Variants in RNASEH2B observed in about 807,000 individuals in gnomAD.
The protein encoded by RNASEH2B is Aicardi-Goutieres syndrome 2 protein.
Under a neutral mutation model 45.0 loss-of-function variants are expected in RNASEH2B, and 36 were observed. The observed-to-expected ratio is 0.80, with a 90% CI of 0.61 to 1.06. The LOEUF (loss-of-function observed/expected upper bound fraction) is 1.06, where lower values mean the gene tolerates loss of function less well. Among genes scored for constraint, RNASEH2B ranks in the 50% least tolerant of loss-of-function variants. RNASEH2B has a pLI of 0.00. For missense variants in RNASEH2B, 361 were observed against 360.3 expected (o/e 1.00, Z -0.02); for synonymous variants, 119 against 125.7 (o/e 0.95, Z 0.35).
intron 5 of RNASEH2B, among the ~76,000 whole-genome samples, chr13:50,939,676 A>G (rs962326003): frequency 6.6e-6 from 1 of 152,218 alleles, no homozygotes; most frequent in African/African-American, 2.4e-5. Flanking sequence ...ATTCAGTGGG[A>G]AAAAGGATAG....
chr13:50,969,829 G>A lies in RNASEH2B; in HGVS notation c.742-103G>A, dbSNP rs970734029. The A allele has an allele frequency of 2.8e-4, 328 of 1,183,528 alleles. 1 individual carries two copies. Among genetic ancestry groups the A allele is most frequent in the Non-Finnish European group, 9.2e-5 (75 of 819,456 alleles). 73.3% of individuals were successfully genotyped at this position (1,183,528 alleles called of 1,614,324 possible). Reference sequence around the variant, plus strand: ...CTCAGCTGCCCTCAGGACTAAACCCGCCAGCCCTGCGTTCTGTTCTAGGAG... The same window carrying A: ...CTCAGCTGCCCTCAGGACTAAACCCACCAGCCCTGCGTTCTGTTCTAGGAG... On this transcript the variant is annotated intron_variant, in intron 9 of 9. Coordinates refer to the RNASEH2B transcript ENST00000422660.
intron 5 of RNASEH2B, chr13:50,941,276 A>G (rs1951830201): frequency 6.6e-6 from 1 of 152,188 alleles, no homozygotes; most frequent in African/African-American, 2.4e-5. Flanking sequence ...ACCTCTCTTT[A>G]CACATGGGGG....
chr13:50,963,923 T>C (rs1055749769), intron 9 of RNASEH2B, among the ~76,000 whole-genome samples: 9 of 152,076 alleles, frequency 5.9e-5, no homozygotes, highest in Non-Finnish European at 1.0e-4. Flanking sequence ...CCCGGCCGGG[T>C]GCGTTGGCTC....
At chr13:50,947,522 T>C (rs984985360) in intron 7 of RNASEH2B, among the ~76,000 whole-genome samples, 18 of 151,960 alleles carry the variant, frequency 1.2e-4, no homozygotes, top group African/African-American at 4.1e-4. Context: ...AGAGACATGG[T>C]ATTTTATTTC....
At chr13:50,956,823 T>G, downstream of RNASEH2B, 2 of 717,452 alleles carry the variant, frequency 2.8e-6, no homozygotes, top group South Asian at 9.8e-5. Context: ...TAATAATATT[T>G]TCAATATACT....
At chr13:50,926,680 G>A (rs139008134) in intron 1 of RNASEH2B, among the ~76,000 whole-genome samples, 2 of 152,058 alleles carry the variant, frequency 1.3e-5, no homozygotes, top group East Asian at 3.9e-4. Context: ...TTAAGAAAAG[G>A]TCTTTCTAAG....
Position 50,956,504 on chromosome 13 carries a change from T to C in RNASEH2B, c.*30T>C, listed in dbSNP as rs1277456148. ...TTGAAAATAAAATCTAGCAAAAATA[T>C]TTGCTTTTTACATGTTTCAGTTTGT... On this transcript the variant is annotated 3_prime_UTR_variant, in exon 11 of 11. Transcript: ENST00000336617. The C allele has an allele frequency of 1.3e-6, 2 of 1,580,886 alleles. No individual in the cohort carries two copies. The highest frequency in any genetic ancestry group is 3.5e-5 in the Admixed American group (2 of 57,208).
At chr13:50,957,647 G>A (rs759441869), downstream of RNASEH2B, among the ~76,000 whole-genome samples, 1 of 152,140 alleles carries the variant, frequency 6.6e-6, no homozygotes, top group Non-Finnish European at 1.5e-5. Context: ...TTTCTGGATC[G>A]AATGGTAGTT....
chr13:50,948,211 G>A (rs918037667), intron 8 of RNASEH2B, 143 bp downstream of exon 8: 3 of 1,355,434 alleles, frequency 2.2e-6, no homozygotes, highest in Non-Finnish European at 9.9e-7. Flanking sequence ...TGTGCTTTGG[G>A]GATGATTTTT....
chr13:50,929,364 AT>A, intron 2 of RNASEH2B, 110 bp from the exon 3 acceptor site: 1 of 733,624 alleles, frequency 1.4e-6, no homozygotes, highest in African/African-American at 1.7e-5. Context: ...GTGTATGTTT[AT>A]GTTCATATTA....
intron 4 of RNASEH2B, 66 bp downstream of exon 4, chr13:50,930,825 C>G (rs1377446952): frequency 5.2e-6 from 6 of 1,152,640 alleles, no homozygotes; most frequent in Admixed American, 1.7e-5. Flanking sequence ...TTGATCTCCT[C>G]TCTCTCCTTT....
intron 5 of RNASEH2B, chr13:50,941,366 G>A (rs941997975): frequency 6.6e-6 from 1 of 152,228 alleles, no homozygotes; most frequent in African/African-American, 2.4e-5. Context: ...GCATGGCTCA[G>A]TCTGTGCTCT....
chr13:50,957,646 C>T (rs1274310229), downstream of RNASEH2B, among the ~76,000 whole-genome samples: 1 of 152,148 alleles, frequency 6.6e-6, no homozygotes, highest in East Asian at 1.9e-4. Context: ...ATTTCTGGAT[C>T]GAATGGTAGT....
chr13:50,934,649 A>T, intron 4 of RNASEH2B: 1 of 545,450 alleles, frequency 1.8e-6, no homozygotes, highest in Admixed American at 3.1e-5. Flanking sequence ...TCATTTGGGG[A>T]CTGTACACCC....
chr13:50,949,617 A>T (rs1441585311), intron 9 of RNASEH2B, 112 bp downstream of exon 9: 1 of 929,570 alleles, frequency 1.1e-6, no homozygotes, highest in East Asian at 2.4e-5. Context: ...TCCATTTTGC[A>T]TGGAGTGATG....
At chr13:50,914,380 G>T (rs1255368869) in intron 1 of RNASEH2B, among the ~76,000 whole-genome samples, 1 of 152,222 alleles carries the variant, frequency 6.6e-6, no homozygotes, top group Non-Finnish European at 1.5e-5. Flanking sequence ...CTTGGCACAT[G>T]ATAGAGAACC....
chr13:50,949,745 AC>A (rs1951953475), intron 9 of RNASEH2B, among the ~76,000 whole-genome samples: 1 of 152,188 alleles, frequency 6.6e-6, no homozygotes, highest in Non-Finnish European at 1.5e-5. Flanking sequence ...TTAGCAAGGT[AC>A]CCCTGTGAAA....
chr13:50,909,790 C>G (rs1187526669), upstream of RNASEH2B: 8 of 348,208 alleles, frequency 2.3e-5, no homozygotes, highest in Non-Finnish European at 4.2e-5. Flanking sequence ...GAGCACCTAC[C>G]ACTAGCGGAG....
intron 9 of RNASEH2B, among the ~76,000 whole-genome samples, chr13:50,963,552 T>G (rs1032033913): frequency 1.3e-5 from 2 of 152,214 alleles, no homozygotes; most frequent in African/African-American, 4.8e-5. Context: ...TGCAGTTTTC[T>G]TTAAATACTT....
Sources: gnomAD v4.1 joint callset for allele counts (sites outside exome capture counted in the v4.1 genomes callset) on GRCh38, gnomAD v4.1.1 for gene constraint, MANE v1.5 for transcripts, NCBI Gene and HGNC (gene_info 2026-07-23, HGNC 2026-07-21) for gene names.